Variants in DUSP18 observed in about 807,000 individuals in gnomAD.
The protein encoded by DUSP18 is dual specificity protein phosphatase 18.
Under a neutral mutation model 6.3 loss-of-function variants are expected in DUSP18, and 4 were observed. That is an observed-to-expected ratio of 0.63 (90% CI 0.31 to 1.45). The LOEUF is 1.45. Among genes scored for constraint, DUSP18 ranks in the 40% most tolerant of loss-of-function variants. The pLI, the probability that DUSP18 is intolerant of heterozygous loss-of-function variation, is 0.07. For missense variants in DUSP18, 235 were observed against 247.7 expected, an observed-to-expected ratio of 0.95 and a Z score of 0.34; for synonymous variants, 96 against 95.1, an observed-to-expected ratio of 1.01 and a Z score of -0.05.
At chr22:30,660,277 T>C (rs2088430570), downstream of DUSP18, among the ~76,000 whole-genome samples, 1 of 151,752 alleles carries the variant, frequency 6.6e-6, no homozygotes, top group Non-Finnish European at 1.5e-5. Flanking sequence ...AGTAAACTAA[T>C]ACATTATCCA....
Position 30,667,096 on chromosome 22 carries a change from T to C in DUSP18, c.-78+366A>G, listed in dbSNP as rs141626786. Reference sequence around the variant, plus strand: ...CGGTAGCAGTTCAGCTTCACCACTTTACAGCCTATGAAGTATTTGGCTTCC... The same window carrying C: ...CGGTAGCAGTTCAGCTTCACCACTTCACAGCCTATGAAGTATTTGGCTTCC... On this transcript the variant is annotated intron_variant, in intron 1 of 1. Transcript: ENST00000334679. 3.4e-3 allele frequency: 516 copies of C among 152,332 alleles called. 1 individual carries two copies. Among genetic ancestry groups the C allele is most frequent in the African/African-American group, 0.011 (469 of 41,558 alleles). 9.4% of individuals were successfully genotyped at this position (152,332 alleles called of 1,614,324 possible). A position where few individuals can be genotyped will look rare whatever the true frequency, so the allele number is the denominator to read the frequency against.
downstream of DUSP18, among the ~76,000 whole-genome samples, chr22:30,657,480 C>G (rs1019457089): frequency 2.1e-5 from 3 of 143,384 alleles, no homozygotes; most frequent in Admixed American, 2.1e-4. Flanking sequence ...AAATTCTGGC[C>G]GGGTGTAGTG....
chr22:30,659,396 G>A (rs1215726428), downstream of DUSP18, among the ~76,000 whole-genome samples: 1 of 151,908 alleles, frequency 6.6e-6, no homozygotes, highest in African/African-American at 2.4e-5. Context: ...TTTTTGAGAT[G>A]GAGTTTCACT....
chr22:30,657,344 A>T (rs1402132985), downstream of DUSP18, among the ~76,000 whole-genome samples: 3 of 151,520 alleles, frequency 2.0e-5, no homozygotes, highest in Non-Finnish European at 2.9e-5. Context: ...CTGTAATCCC[A>T]GCTACTTGGG....
At chr22:30,661,279 CTT>C (rs2088458771), downstream of DUSP18, among the ~76,000 whole-genome samples, 1 of 151,984 alleles carries the variant, frequency 6.6e-6, no homozygotes, top group South Asian at 2.1e-4. Context: ...AAATCTAAAA[CTT>C]TTTGAGAGCT....
chr22:30,666,799 G>C (rs1049765380), intron 1 of DUSP18: 2 of 152,076 alleles, frequency 1.3e-5, no homozygotes, highest in Non-Finnish European at 2.9e-5. Flanking sequence ...TAGGATAACA[G>C]TACCTACCTT....
downstream of DUSP18, among the ~76,000 whole-genome samples, chr22:30,657,563 A>G (rs2088365745): frequency 6.6e-6 from 1 of 151,968 alleles, no homozygotes; most frequent in South Asian, 2.1e-4. Context: ...ATTTGAGACC[A>G]GCCTGGGAAA....
At position 30,663,641 on chromosome 22, in the gene DUSP18, C is replaced by T. The variant is rs773766290; in HGVS notation, c.363G>A (p.Lys121=). ...SAALCLAYLM[K]YHAMSLLDAH... The stretch of plus-strand genomic sequence containing the variant: ...CGTCCAGCAGGGACATGGCGTGGTA[C>T]TTCATGAGGTAGGCGAGGCACAGGG... Residue 121 remains lysine, a synonymous_variant, in exon 2 of 2, where the codon AAG becomes AAA. Coordinates refer to ENST00000334679, the MANE Select transcript of DUSP18 (RefSeq NM_152511.5). The T allele has an allele frequency of 2.5e-6, 4 of 1,614,102 alleles. No individual in the cohort carries two copies. The highest frequency in any genetic ancestry group is 2.2e-5 in the East Asian group (1 of 44,902).
rs947939011 is a variant in DUSP18 at position 30,663,294 on chromosome 22, C to T, written c.*143G>A. 38 of 793,402 alleles carry T rather than the reference C, an allele frequency of 4.8e-5. 1 individual carries two copies. The highest frequency in any genetic ancestry group is 6.9e-5 in the Non-Finnish European group (35 of 510,152). The allele number at this position is 793,402 out of a possible 1,614,324, so 49.1% of individuals were successfully genotyped here. A position where few individuals can be genotyped will look rare whatever the true frequency, so the allele number is the denominator to read the frequency against. ...AAATGGATTATAAAGTTAAAAGCTA[C>T]AGCAACTCTTTTTTGTGCTCATAAA... is the stretch of plus-strand genomic sequence containing the variant. On this transcript the variant is annotated 3_prime_UTR_variant, in exon 2 of 2. Coordinates refer to ENST00000334679, the MANE Select transcript of DUSP18 (RefSeq NM_152511.5).
chr22:30,665,796 G>A (rs570565218), intron 1 of DUSP18, among the ~76,000 whole-genome samples: 2 of 152,276 alleles, frequency 1.3e-5, no homozygotes, highest in African/African-American at 2.4e-5. Context: ...AGTGCCAAGC[G>A]CTGTGTCCCC....
chr22:30,665,496 C>T (rs2088616378), intron 1 of DUSP18: 1 of 470,714 alleles, frequency 2.1e-6, no homozygotes, highest in South Asian at 1.6e-5. Context: ...CCATCAGATC[C>T]TGATCTGGTC....
intron 1 of DUSP18, chr22:30,666,953 T>C (rs959620140): frequency 6.6e-6 from 1 of 152,064 alleles, no homozygotes; most frequent in African/African-American, 2.4e-5. Flanking sequence ...GAAAGGGAAG[T>C]GTAAAAAAGA....
intron 1 of DUSP18, among the ~76,000 whole-genome samples, chr22:30,666,016 C>T (rs886335262): frequency 1.3e-5 from 2 of 152,108 alleles, no homozygotes; most frequent in African/African-American, 4.8e-5. Flanking sequence ...CCTGCCAATG[C>T]CCCAGACTCA....
At position 30,663,221 on chromosome 22, in the gene DUSP18, G is replaced by A. The variant is rs2088528020; in HGVS notation, c.*216C>T. ...ATCCCCTGGCCAGTGTCACTCACAGGGCAGAAAATTTATCTTCACCATCTC... is the reference window on the plus strand; with the variant it reads ...ATCCCCTGGCCAGTGTCACTCACAGAGCAGAAAATTTATCTTCACCATCTC... On this transcript the variant is annotated 3_prime_UTR_variant, in exon 2 of 2. Transcript: ENST00000334679. 7 of 564,242 alleles carry A rather than the reference G, an allele frequency of 1.2e-5. No homozygotes were observed. In the South Asian group the frequency reaches 1.3e-4, roughly 11 times the overall value. The allele number at this position is 564,242 out of a possible 1,614,324, so 35.0% of individuals were successfully genotyped here.
intron 2 of DUSP18, among the ~76,000 whole-genome samples, chr22:30,656,118 T>C (rs1233404670): frequency 1.3e-5 from 2 of 151,818 alleles, no homozygotes; most frequent in African/African-American, 4.8e-5. Flanking sequence ...GGACTACAGG[T>C]GTGCACCACC....
At chr22:30,657,872 C>T (rs1352676422), downstream of DUSP18, among the ~76,000 whole-genome samples, 1 of 149,530 alleles carries the variant, frequency 6.7e-6, no homozygotes, top group African/African-American at 2.5e-5. Context: ...CCACTGCACT[C>T]CAGCCTGGGC....
chr22:30,655,509 T>C (rs1462264429), intron 2 of DUSP18, among the ~76,000 whole-genome samples: 1 of 149,612 alleles, frequency 6.7e-6, no homozygotes, highest in Non-Finnish European at 1.5e-5. Context: ...AAAATATCCT[T>C]TTTTTTTTTC....
In DUSP18 at chr22:30,663,518, G is replaced by T; in HGVS notation, c.486C>A (p.Asn162Lys). Residue 162 changes from asparagine to lysine, a missense_variant, in exon 2 of 2, where the codon AAC becomes AAA. Coordinates refer to ENST00000334679, the MANE Select transcript of DUSP18 (RefSeq NM_152511.5). ...IHYEFQLFGK[N>K]TVHMVSSPVG... ...CTGGGGAACTGACCATGTGCACAGT[G>T]TTCTTGCCAAACAATTGGAACTCAT... The T allele has an allele frequency of 6.2e-7, 1 of 1,614,206 alleles. No individual in the cohort carries two copies. Among genetic ancestry groups the T allele is most frequent in the South Asian group, 1.1e-5 (1 of 91,086 alleles).
chr22:30,661,551 C>G lies in DUSP18; in HGVS notation c.*1886G>C, dbSNP rs1365997614. 3 of 151,110 alleles carry G rather than the reference C, an allele frequency of 2.0e-5. No homozygotes were observed. The East Asian group carries it at 5.8e-4, about 29-fold the overall frequency. The allele number at this position is 151,110 out of a possible 1,614,324, so 9.4% of individuals were successfully genotyped here. A position where few individuals can be genotyped will look rare whatever the true frequency, so the allele number is the denominator to read the frequency against. ...GCAACCTCCGCCTCCTGGGTTCAAG[C>G]AATTCTCCTGCCTCAGCCTCCCAAG... is the stretch of plus-strand genomic sequence containing the variant. On this transcript the variant is annotated 3_prime_UTR_variant, in exon 2 of 2. Coordinates refer to ENST00000334679, the MANE Select transcript of DUSP18 (RefSeq NM_152511.5).
Sources: gnomAD v4.1 joint callset for allele counts (sites outside exome capture counted in the v4.1 genomes callset) on GRCh38, gnomAD v4.1.1 for gene constraint, MANE v1.5 for transcripts, NCBI Gene and HGNC (gene_info 2026-07-23, HGNC 2026-07-21) for gene names.